Variants in METTL15 observed in about 807,000 individuals in gnomAD.
The protein encoded by METTL15 is 12S rRNA N(4)-cytidine methyltransferase METTL15.
METTL15 carries 34 observed loss-of-function variants against 38.3 expected under a neutral mutation model. The observed-to-expected ratio is 0.89, with a 90% CI of 0.68 to 1.18. The LOEUF is 1.18. METTL15 is among the 50% of genes most tolerant of loss of function. The pLI is 0.00. For missense variants in METTL15, 438 were observed against 498.4 expected, an observed-to-expected ratio of 0.88 and a Z score of 1.15; for synonymous variants, 162 against 170.9, an observed-to-expected ratio of 0.95 and a Z score of 0.41.
At chr11:28,304,430 A>T (rs1857012230) in intron 6 of METTL15, among the ~76,000 whole-genome samples, 2 of 152,172 alleles carry the variant, frequency 1.3e-5, no homozygotes, top group South Asian at 4.1e-4. Context: ...TGATAAGATA[A>T]AATTTATGCC....
intron 6 of METTL15, among the ~76,000 whole-genome samples, chr11:28,485,778 T>C (rs531862295): frequency 6.6e-6 from 1 of 152,298 alleles, no homozygotes; most frequent in African/African-American, 2.4e-5. Flanking sequence ...AGGTGCTTAT[T>C]TCTCATAATT....
chr11:28,392,494 T>C (rs1850520204), intron 5 of METTL15, among the ~76,000 whole-genome samples: 1 of 152,036 alleles, frequency 6.6e-6, no homozygotes, highest in Non-Finnish European at 1.5e-5. Context: ...GAAAAGATAG[T>C]CTCTTCAACA....
At chr11:28,496,361 C>A (rs1313217148) in intron 6 of METTL15, among the ~76,000 whole-genome samples, 1 of 152,194 alleles carries the variant, frequency 6.6e-6, no homozygotes, top group Non-Finnish European at 1.5e-5. Flanking sequence ...GATTCAATTA[C>A]CTCCATGTGG....
intron 3 of METTL15, among the ~76,000 whole-genome samples, chr11:28,142,304 A>C (rs1175504851): frequency 6.6e-6 from 1 of 152,196 alleles, no homozygotes; most frequent in Non-Finnish European, 1.5e-5. Flanking sequence ...GGTCACTTCA[A>C]AGTTACTTTT....
At chr11:28,231,944 C>G (rs552238224) in intron 4 of METTL15, among the ~76,000 whole-genome samples, 1 of 151,850 alleles carries the variant, frequency 6.6e-6, no homozygotes, top group South Asian at 2.1e-4. Context: ...AGTACATACT[C>G]AATATCATAT....
At chr11:28,219,545 T>A (rs558712544) in intron 4 of METTL15, among the ~76,000 whole-genome samples, 13 of 152,320 alleles carry the variant, frequency 8.5e-5, no homozygotes, top group Non-Finnish European at 1.8e-4. Flanking sequence ...AAGGTTTTTT[T>A]ATGTCTCTAA....
intron 6 of METTL15, among the ~76,000 whole-genome samples, chr11:28,496,992 G>A (rs1851540270): frequency 6.6e-6 from 1 of 152,202 alleles, no homozygotes; most frequent in Non-Finnish European, 1.5e-5. Context: ...GTTTGGCATT[G>A]AGCTGGACAT....
At chr11:28,513,065 T>C (rs1851689476) in intron 6 of METTL15, among the ~76,000 whole-genome samples, 1 of 146,878 alleles carries the variant, frequency 6.8e-6, no homozygotes. Flanking sequence ...ACTCATGTTT[T>C]TCAAGGGTCA....
chr11:28,493,946 T>G (rs954224908), intron 6 of METTL15, among the ~76,000 whole-genome samples: 7 of 152,222 alleles, frequency 4.6e-5, no homozygotes, highest in Non-Finnish European at 8.8e-5. Flanking sequence ...ACAGCCTCAC[T>G]GGCATGAAAC....
At chr11:28,416,230 C>T (rs902184984) in intron 5 of METTL15, among the ~76,000 whole-genome samples, 2 of 152,176 alleles carry the variant, frequency 1.3e-5, no homozygotes, top group African/African-American at 4.8e-5. Flanking sequence ...CCTGTGTGTG[C>T]AGACTATAGC....
intron 4 of METTL15, among the ~76,000 whole-genome samples, chr11:28,262,962 AATGTTT>A (rs1855268907): frequency 6.6e-6 from 1 of 152,038 alleles, no homozygotes; most frequent in Admixed American, 6.6e-5. Context: ...TAATATTTTT[AATGTTT>A]ATGAGTAGAG....
intron 4 of METTL15, among the ~76,000 whole-genome samples, chr11:28,254,674 A>AG (rs1235241933): frequency 6.6e-6 from 1 of 152,208 alleles, no homozygotes; most frequent in Non-Finnish European, 1.5e-5. Flanking sequence ...GGCAAGAGAT[A>AG]GGGGTCTTCA....
intron 4 of METTL15, among the ~76,000 whole-genome samples, chr11:28,268,196 CAAAAAAAAAAA>C (rs71050954): frequency 6.2e-5 from 4 of 64,174 alleles, no homozygotes; most frequent in Non-Finnish European, 1.0e-4. Flanking sequence ...GACTCCGTCT[CAAAAAAAAAAA>C]AAAAAAAAAA....
chr11:28,286,985 CTA>C (rs941421368), intron 4 of METTL15, among the ~76,000 whole-genome samples: 11 of 146,066 alleles, frequency 7.5e-5, no homozygotes, highest in African/African-American at 1.0e-4. Context: ...ACTCTCCACA[CTA>C]TATATATATG....
chr11:28,258,035 T>C (rs1380351194), intron 4 of METTL15, among the ~76,000 whole-genome samples: 2 of 152,224 alleles, frequency 1.3e-5, no homozygotes, highest in Non-Finnish European at 2.9e-5. Flanking sequence ...TTGGGAAGGC[T>C]TTCCAGAGAT....
At chr11:28,113,239 A>G (rs1319348007) in intron 2 of METTL15, 79 bp from the exon 3 acceptor site, 9 of 946,968 alleles carry the variant, frequency 9.5e-6, no homozygotes, top group African/African-American at 8.4e-5. Context: ...TAAATATTGC[A>G]TATTAATTTG....
chr11:28,513,499 C>G (rs747120289), intron 6 of METTL15, among the ~76,000 whole-genome samples: 24 of 152,046 alleles, frequency 1.6e-4, no homozygotes, highest in Non-Finnish European at 2.9e-4. Flanking sequence ...CATGAGGTGC[C>G]GAGACCAGCT....
intron 6 of METTL15, among the ~76,000 whole-genome samples, chr11:28,456,204 C>T (rs1206522181): frequency 6.6e-6 from 1 of 150,864 alleles, no homozygotes; most frequent in African/African-American, 2.4e-5. Context: ...GAGATGGGGT[C>T]TCACTGTGCT....
intron 4 of METTL15, among the ~76,000 whole-genome samples, chr11:28,247,194 A>G (rs1043479684): frequency 6.6e-6 from 1 of 152,112 alleles, no homozygotes; most frequent in Non-Finnish European, 1.5e-5. Flanking sequence ...AATACTTAGT[A>G]TAAATAAAGA....
Sources: gnomAD v4.1 joint callset for allele counts (sites outside exome capture counted in the v4.1 genomes callset) on GRCh38, gnomAD v4.1.1 for gene constraint, MANE v1.5 for transcripts, NCBI Gene and HGNC (gene_info 2026-07-23, HGNC 2026-07-21) for gene names.